The following KCNMA1 variants were observed in gnomAD, a reference collection of about 807,000 sequenced individuals.
The protein encoded by KCNMA1 is Calcium-activated potassium channel subunit alpha-1.
A neutral mutation model predicts 140.0 loss-of-function variants in KCNMA1; 29 were observed. That is an observed-to-expected ratio of 0.21 (90% CI 0.15 to 0.28). KCNMA1 has a LOEUF of 0.28. Among genes scored for constraint, KCNMA1 ranks in the 10% least tolerant of loss-of-function variants. KCNMA1 has a pLI of 1.00. For missense variants in KCNMA1, 880 were observed against 1,602.2 expected, an observed-to-expected ratio of 0.55 and a Z score of 7.70; for synonymous variants, 612 against 611.9, an observed-to-expected ratio of 1.00 and a Z score of 0.00.
chr10:77,309,951 C>T (rs1186882644), intron 2 of KCNMA1, among the ~76,000 whole-genome samples: 4 of 152,192 alleles, frequency 2.6e-5, no homozygotes, highest in African/African-American at 9.6e-5. Context: ...AACAACCTCT[C>T]CTCTTCTCTC....
intron 2 of KCNMA1, among the ~76,000 whole-genome samples, chr10:77,334,427 C>A (rs1483215608): frequency 1.3e-5 from 2 of 152,180 alleles, no homozygotes; most frequent in African/African-American, 4.8e-5. Flanking sequence ...AACCATTCCA[C>A]CTTGCACTGT....
chr10:76,886,853 A>G lies in KCNMA1; in HGVS notation c.*413T>C, dbSNP rs1029372619. On this transcript the variant is annotated 3_prime_UTR_variant, in exon 28 of 28. Coordinates refer to ENST00000286628, the MANE Select transcript of KCNMA1 (RefSeq NM_001161352.2). ...AGAAAGAAAGGAAAACAACAACAACAACAAAATCAAAACCCAAAGCACCCT... is the reference window on the plus strand; with the variant it reads ...AGAAAGAAAGGAAAACAACAACAACGACAAAATCAAAACCCAAAGCACCCT... The G allele has an allele frequency of 1.8e-6, 2 of 1,083,596 alleles. No homozygotes were observed. The highest frequency in any genetic ancestry group is 2.2e-6 in the Non-Finnish European group (2 of 888,958). 67.1% of individuals were successfully genotyped at this position (1,083,596 alleles called of 1,614,324 possible).
At chr10:77,274,040 G>A (rs1000287621) in intron 2 of KCNMA1, among the ~76,000 whole-genome samples, 1 of 152,156 alleles carries the variant, frequency 6.6e-6, no homozygotes, top group Non-Finnish European at 1.5e-5. Context: ...CTGATGGCTA[G>A]CATTCCTCTT....
rs559793905 is a variant in KCNMA1 at position 77,415,519 on chromosome 10, C to A, written c.379-11496G>T. On this transcript the variant is annotated intron_variant, in intron 1 of 27. Transcript: ENST00000286628. ...CAAGAAAACTGTGGCAGGGGCCCAG[C>A]AGGAAGGCAAAAATTACATTTGTTT... Among the ~76,000 whole-genome samples, 5 of 152,320 alleles carry A rather than the reference C, an allele frequency of 3.3e-5. No homozygotes were observed. The South Asian group carries it at 1.0e-3, about 32-fold the overall frequency.
chr10:76,938,329 C>T (rs1370044265), intron 23 of KCNMA1, among the ~76,000 whole-genome samples: 2 of 152,212 alleles, frequency 1.3e-5, no homozygotes, highest in African/African-American at 4.8e-5. Flanking sequence ...CTTTCTCCTG[C>T]AGCCTGTCCC....
intron 5 of KCNMA1, among the ~76,000 whole-genome samples, chr10:77,165,711 A>G (rs145625224): frequency 2.6e-5 from 4 of 152,282 alleles, no homozygotes; most frequent in African/African-American, 9.6e-5. Flanking sequence ...GAACACGTAT[A>G]CCTACTTTTC....
intron 17 of KCNMA1, among the ~76,000 whole-genome samples, chr10:77,014,326 T>A (rs1361881385): frequency 1.3e-5 from 2 of 151,672 alleles, no homozygotes; most frequent in East Asian, 3.9e-4. Context: ...CTTGGGAGGC[T>A]GAGGCAGGAG....
Position 77,052,247 on chromosome 10 carries a change from G to T in KCNMA1, c.1750-12610C>A, listed in dbSNP as rs373111295. On this transcript the variant is annotated intron_variant, in intron 14 of 27. Coordinates refer to ENST00000286628, the MANE Select transcript of KCNMA1 (RefSeq NM_001161352.2). ...CAAAAGACAGCAATATTCTCTGGAG[G>T]TCCTCTCTGCCACCCATGGACTTTC... Among the ~76,000 whole-genome samples the T allele has an allele frequency of 2.1e-4, 32 of 152,278 alleles. No homozygotes were observed. The East Asian group carries it at 5.2e-3, about 25-fold the overall frequency.
In KCNMA1 at chr10:77,564,339, G is replaced by A. The variant is rs190477361; in HGVS notation, c.378+72926C>T. Reference sequence around the variant, plus strand: ...TGTAACACGAGCACTTTGGGAGGCCGAGGCGGACAGATCACTTGAGGTCAG... The same window carrying A: ...TGTAACACGAGCACTTTGGGAGGCCAAGGCGGACAGATCACTTGAGGTCAG... On this transcript the variant is annotated intron_variant, in intron 1 of 27. Coordinates refer to ENST00000286628, the MANE Select transcript of KCNMA1 (RefSeq NM_001161352.2). Among the ~76,000 whole-genome samples the A allele has an allele frequency of 4.2e-3, 647 of 152,266 alleles. 6 individuals are homozygous for A. The highest frequency in any genetic ancestry group is 0.017 in the Middle Eastern group (5 of 292).
intron 1 of KCNMA1, among the ~76,000 whole-genome samples, chr10:77,491,714 TACACACACACACACACACACACAC>T (rs3071912): frequency 1.4e-5 from 2 of 145,482 alleles, no homozygotes; most frequent in Non-Finnish European, 3.0e-5. Flanking sequence ...TTAGAAGTCA[TACACACACACACACACACACACAC>T]ACACACACAC....
At chr10:76,990,993 T>G (rs1018726684) in intron 19 of KCNMA1, among the ~76,000 whole-genome samples, 4 of 152,162 alleles carry the variant, frequency 2.6e-5, no homozygotes, top group Non-Finnish European at 2.9e-5. Flanking sequence ...GAGGAATCAT[T>G]TGGGTGCTGC....
chr10:77,055,363 G>A (rs1031608832), intron 14 of KCNMA1, among the ~76,000 whole-genome samples: 2 of 151,970 alleles, frequency 1.3e-5, no homozygotes, highest in African/African-American at 4.8e-5. Context: ...ATCAAGATGT[G>A]GACAAAAAAC....
At chr10:77,169,767 A>G (rs531085578) in intron 5 of KCNMA1, among the ~76,000 whole-genome samples, 1 of 152,306 alleles carries the variant, frequency 6.6e-6, no homozygotes, top group East Asian at 1.9e-4. Flanking sequence ...AGCTAATTTT[A>G]CCCTTTATGA....
At chr10:77,380,846 T>C (rs2095357840) in intron 2 of KCNMA1, among the ~76,000 whole-genome samples, 1 of 152,246 alleles carries the variant, frequency 6.6e-6, no homozygotes, top group Non-Finnish European at 1.5e-5. Context: ...GCGTGTCTGC[T>C]GTTTACTTCA....
At chr10:77,322,544 A>G (rs988912668) in intron 2 of KCNMA1, among the ~76,000 whole-genome samples, 6 of 152,214 alleles carry the variant, frequency 3.9e-5, no homozygotes, top group African/African-American at 9.7e-5. Flanking sequence ...AGACAGAACT[A>G]GTTCTTACGC....
chr10:77,032,362 T>C (rs747103471), intron 15 of KCNMA1, among the ~76,000 whole-genome samples: 1 of 152,066 alleles, frequency 6.6e-6, no homozygotes, highest in Non-Finnish European at 1.5e-5. Flanking sequence ...TGTTTCAACA[T>C]ATACAGAATT....
At chr10:77,553,619 C>G (rs2063388560) in intron 1 of KCNMA1, among the ~76,000 whole-genome samples, 1 of 152,232 alleles carries the variant, frequency 6.6e-6, no homozygotes, top group African/African-American at 2.4e-5. Flanking sequence ...CCTGCTATGT[C>G]TCAGGGGCAT....
At chr10:76,918,509 T>C (rs2053911785) in intron 23 of KCNMA1, among the ~76,000 whole-genome samples, 1 of 152,154 alleles carries the variant, frequency 6.6e-6, no homozygotes, top group African/African-American at 2.4e-5. Context: ...TCACTAAGTA[T>C]CAGGAAAATG....
chr10:77,314,397 T>C lies in KCNMA1; in HGVS notation c.541-63141A>G, dbSNP rs760657609. ...ATGTTATAGAAAGAAAAAGAAAATG[T>C]TTCCTAGATCAAAACACCCATCTAA... On this transcript the variant is annotated intron_variant, in intron 2 of 27. Transcript: ENST00000286628. Among the ~76,000 whole-genome samples the C allele has an allele frequency of 1.3e-3, 191 of 152,306 alleles. 2 individuals carry two copies. The highest frequency in any genetic ancestry group is 2.3e-3 in the Non-Finnish European group (154 of 68,024).
Sources: gnomAD v4.1 joint callset for allele counts (sites outside exome capture counted in the v4.1 genomes callset) on GRCh38, gnomAD v4.1.1 for gene constraint, MANE v1.5 for transcripts, NCBI Gene and HGNC (gene_info 2026-07-23, HGNC 2026-07-21) for gene names.